The following OPN5 variants were observed in gnomAD, a reference collection of about 807,000 sequenced individuals.
OPN5 encodes opsin-5.
In OPN5, 18 loss-of-function variants were observed where a neutral mutation model predicts 41.7. The observed-to-expected ratio is 0.43, with a 90% CI of 0.30 to 0.64. The LOEUF (loss-of-function observed/expected upper bound fraction) is 0.64, where lower values mean the gene tolerates loss of function less well. Ranked by LOEUF, OPN5 falls within the 30% of genes least tolerant of loss-of-function variation. The pLI is 0.13. For missense variants in OPN5, 318 were observed against 434.5 expected (o/e 0.73, Z 2.38); for synonymous variants, 178 against 164.3 (o/e 1.08, Z -0.64).
chr6:47,808,034 A>G, intron 4 of OPN5, 120 bp from the exon 5 acceptor site: 1 of 920,654 alleles, frequency 1.1e-6, no homozygotes, highest in Non-Finnish European at 1.7e-6. Flanking sequence ...AGTAAATGAA[A>G]ACAATGACAG....
chr6:47,799,442 T>C lies in OPN5; in HGVS notation c.756+3879T>C, dbSNP rs146011353. Among the ~76,000 whole-genome samples, 388 of 152,220 alleles carry C rather than the reference T, an allele frequency of 2.5e-3. 1 individual carries two copies. Among genetic ancestry groups the C allele is most frequent in the Middle Eastern group, 0.014 (4 of 294 alleles). ...TTTTCACAATGCCAGTGCTAATGGG[T>C]TGGGGACTCTTGGTCTGGGTGTTGT... On this transcript the variant is annotated intron_variant, in intron 4 of 6. Transcript: ENST00000371211.
chr6:47,803,442 TC>T (rs1249628268), intron 4 of OPN5, among the ~76,000 whole-genome samples: 2 of 152,160 alleles, frequency 1.3e-5, no homozygotes, highest in Non-Finnish European at 2.9e-5. Flanking sequence ...ACCCGCATGC[TC>T]CTGTCAATTG....
At chr6:47,807,939 G>T (rs536414193) in intron 4 of OPN5, among the ~76,000 whole-genome samples, 53 of 150,768 alleles carry the variant, frequency 3.5e-4, no homozygotes, top group Non-Finnish European at 6.9e-4. Flanking sequence ...TACTAGATAG[G>T]ATGTGGTAAA....
rs1774219065 is a variant in OPN5 at position 47,811,868 on chromosome 6, A to G, written c.1056+137A>G. 3 of 510,466 alleles carry G rather than the reference A, an allele frequency of 5.9e-6. No individual in the cohort carries two copies. In the East Asian group the frequency reaches 9.4e-5, roughly 16 times the overall value. 31.6% of individuals were successfully genotyped at this position (510,466 alleles called of 1,614,324 possible). Reference sequence around the variant, plus strand: ...TATTTTGTACAGTTTTCCTCAAGCCAGGGGTTGCTGGGAAATTCCAATGGC... The same window carrying G: ...TATTTTGTACAGTTTTCCTCAAGCCGGGGGTTGCTGGGAAATTCCAATGGC... On this transcript the variant is annotated intron_variant, in intron 6 of 6. Coordinates refer to ENST00000371211, the Ensembl canonical transcript of OPN5.
intron 4 of OPN5, among the ~76,000 whole-genome samples, chr6:47,807,284 G>A (rs971977901): frequency 2.6e-5 from 4 of 152,146 alleles, no homozygotes; most frequent in Admixed American, 6.5e-5. Context: ...CAGGCTCTAG[G>A]TTTTACTGGT....
intron 6 of OPN5, among the ~76,000 whole-genome samples, chr6:47,812,098 G>C (rs1366126361): frequency 1.3e-5 from 2 of 152,078 alleles, no homozygotes; most frequent in African/African-American, 4.8e-5. Flanking sequence ...CTTAATGTCG[G>C]GTTAGGGAGG....
intron 2 of OPN5, among the ~76,000 whole-genome samples, chr6:47,790,896 G>A (rs962323155): frequency 6.6e-6 from 1 of 152,102 alleles, no homozygotes; most frequent in African/African-American, 2.4e-5. Context: ...ATCTTGGGGT[G>A]TTAGAAACCA....
chr6:47,785,126 T>A (rs1487090441), intron 1 of OPN5, among the ~76,000 whole-genome samples: 1 of 152,166 alleles, frequency 6.6e-6, no homozygotes, highest in Non-Finnish European at 1.5e-5. Context: ...ATGAAAGGTG[T>A]TTCAATGAGC....
exon 1 of OPN5, chr6:47,782,100 G>C: frequency 1.9e-6 from 3 of 1,613,548 alleles, no homozygotes. Flanking sequence ...GCCTCAGGAC[G>C]AGCGCCTGCC....
exon 1 of OPN5, chr6:47,782,127 G>T (rs1773107509): frequency 6.2e-7 from 1 of 1,613,510 alleles, no homozygotes; most frequent in Non-Finnish European, 8.5e-7. Flanking sequence ...CCTTCGAGAT[G>T]GGGATCCTTT....
intron 6 of OPN5, chr6:47,812,015 T>C: frequency 4.2e-6 from 1 of 238,068 alleles, no homozygotes; most frequent in Non-Finnish European, 8.1e-6. Flanking sequence ...GAATGTGAGA[T>C]AGTGAGAAAA....
chr6:47,822,302 G>A (rs953659230), intron 6 of OPN5, among the ~76,000 whole-genome samples: 2 of 152,064 alleles, frequency 1.3e-5, no homozygotes, highest in Non-Finnish European at 2.9e-5. Flanking sequence ...AAGTAGTTTG[G>A]AAATAAACAT....
chr6:47,797,248 G>T, intron 4 of OPN5, among the ~76,000 whole-genome samples: 1 of 152,154 alleles, frequency 6.6e-6, no homozygotes, highest in Non-Finnish European at 1.5e-5. Context: ...AGTAGAGGAA[G>T]CTTTGAGGGA....
intron 6 of OPN5, among the ~76,000 whole-genome samples, chr6:47,819,353 A>ATATATAT (rs1491208722): frequency 4.7e-5 from 4 of 84,856 alleles, no homozygotes; most frequent in African/African-American, 7.5e-5. Context: ...ATATATATAT[A>ATATATAT]AAAAATATAT....
intron 4 of OPN5, among the ~76,000 whole-genome samples, chr6:47,804,411 T>C (rs1304429029): frequency 1.3e-5 from 2 of 152,120 alleles, no homozygotes; most frequent in Non-Finnish European, 2.9e-5. Flanking sequence ...AAAATAAAAA[T>C]TAAGACACAC....
chr6:47,796,852 A>G (rs1054212767), intron 4 of OPN5, among the ~76,000 whole-genome samples: 1 of 152,236 alleles, frequency 6.6e-6, no homozygotes, highest in Non-Finnish European at 1.5e-5. Context: ...AGATGTACCC[A>G]AGATGGGATA....
chr6:47,812,022 A>C (rs768959286), intron 6 of OPN5: 41 of 234,460 alleles, frequency 1.7e-4, no homozygotes, highest in Non-Finnish European at 2.9e-4. Flanking sequence ...AGATAGTGAG[A>C]AAAATGTTGA....
chr6:47,784,200 C>T (rs1355974441), intron 1 of OPN5, among the ~76,000 whole-genome samples: 4 of 151,964 alleles, frequency 2.6e-5, no homozygotes, highest in Non-Finnish European at 4.4e-5. Flanking sequence ...GGAGAGGGGT[C>T]GACTGGAGGG....
intron 1 of OPN5, among the ~76,000 whole-genome samples, chr6:47,786,286 C>T (rs1285088792): frequency 6.6e-6 from 1 of 152,192 alleles, no homozygotes; most frequent in Non-Finnish European, 1.5e-5. Context: ...GTTAGCGATG[C>T]CTTTTTCTGG....
Sources: gnomAD v4.1 joint callset for allele counts (sites outside exome capture counted in the v4.1 genomes callset) on GRCh38, gnomAD v4.1.1 for gene constraint, MANE v1.5 for transcripts, NCBI Gene and HGNC (gene_info 2026-07-23, HGNC 2026-07-21) for gene names.